MRAS: variants seen among roughly 807,000 people sequenced by gnomAD.
MRAS encodes ras-related protein M-Ras.
MRAS carries 4 observed loss-of-function variants against 20.9 expected under a neutral mutation model. The ratio of observed to expected loss-of-function variants is 0.19; its 90% CI spans 0.09 to 0.44. The LOEUF (loss-of-function observed/expected upper bound fraction) is 0.44. Among genes scored for constraint, MRAS ranks in the 20% least tolerant of loss-of-function variants. The pLI, the probability that MRAS is intolerant of heterozygous loss-of-function variation, is 0.99. For missense variants in MRAS, 154 were observed against 277.5 expected, an observed-to-expected ratio of 0.56 and a Z score of 3.16; for synonymous variants, 98 against 102.9, an observed-to-expected ratio of 0.95 and a Z score of 0.29.
At chr3:138,386,166 T>TGATG (rs397749247) in intron 2 of MRAS, among the ~76,000 whole-genome samples, 2 of 151,208 alleles carry the variant, frequency 1.3e-5, no homozygotes, top group African/African-American at 4.9e-5. Flanking sequence ...TATTGCTGAT[T>TGATG]AACAAATCAG....
At chr3:138,388,788 A>G (rs1331038258) in intron 2 of MRAS, among the ~76,000 whole-genome samples, 1 of 152,120 alleles carries the variant, frequency 6.6e-6, no homozygotes, top group Non-Finnish European at 1.5e-5. Context: ...TGTTTTCTCT[A>G]TTGCTTGATA....
At chr3:138,387,992 G>T (rs1287230756) in intron 2 of MRAS, among the ~76,000 whole-genome samples, 1 of 152,208 alleles carries the variant, frequency 6.6e-6, no homozygotes, top group Non-Finnish European at 1.5e-5. Context: ...CCAGGGTGTT[G>T]AGGAGGTTGG....
At chr3:138,370,547 T>C (rs1005670815) in intron 1 of MRAS, among the ~76,000 whole-genome samples, 4 of 152,010 alleles carry the variant, frequency 2.6e-5, no homozygotes, top group African/African-American at 7.3e-5. Context: ...GATTTGGCCA[T>C]GGAAGAGCTC....
chr3:138,395,515 T>C (rs975483972), intron 2 of MRAS, among the ~76,000 whole-genome samples: 1 of 152,144 alleles, frequency 6.6e-6, no homozygotes, highest in Non-Finnish European at 1.5e-5. Flanking sequence ...TCGAATTTGT[T>C]GTGTTCCCTC....
chr3:138,375,351 T>A (rs1410718255), intron 2 of MRAS, among the ~76,000 whole-genome samples: 1 of 152,232 alleles, frequency 6.6e-6, no homozygotes, highest in African/African-American at 2.4e-5. Context: ...TCTTGTAATG[T>A]CTGTGTCTAA....
rs142235762 is a variant in MRAS at position 138,399,871 on chromosome 3, G to C, written c.448-663G>C. 2.8e-3 allele frequency among the ~76,000 whole-genome samples: 430 copies of C among 152,316 alleles called. 5 individuals are homozygous for C. Among genetic ancestry groups the C allele is most frequent in the African/African-American group, 9.7e-3 (405 of 41,560 alleles). On this transcript the variant is annotated intron_variant, in intron 4 of 5. Transcript: ENST00000423968. ...CCTCCCTTTGCCAGCCCGAGGCTTGGTGCAGATCTGGCCCTGGAAACCTGC... is the reference window on the plus strand; with the variant it reads ...CCTCCCTTTGCCAGCCCGAGGCTTGCTGCAGATCTGGCCCTGGAAACCTGC...
chr3:138,367,113 G>A (rs1014690817), intron 1 of MRAS, among the ~76,000 whole-genome samples: 1 of 152,172 alleles, frequency 6.6e-6, no homozygotes, highest in Admixed American at 6.5e-5. Context: ...GCTGTCCTAT[G>A]CAGTGTGGAT....
intron 2 of MRAS, among the ~76,000 whole-genome samples, chr3:138,387,243 T>C (rs1042574530): frequency 1.3e-5 from 2 of 152,142 alleles, no homozygotes; most frequent in Non-Finnish European, 2.9e-5. Context: ...CACTCATGAG[T>C]TTTCTCTTCC....
At chr3:138,383,154 A>G (rs574418738) in intron 2 of MRAS, among the ~76,000 whole-genome samples, 33 of 152,292 alleles carry the variant, frequency 2.2e-4, no homozygotes, top group Non-Finnish European at 3.2e-4. Context: ...GAGGAAAAGG[A>G]CTGTGCCCAC....
chr3:138,370,251 G>A (rs1018397321), intron 1 of MRAS, among the ~76,000 whole-genome samples: 1 of 152,164 alleles, frequency 6.6e-6, no homozygotes, highest in African/African-American at 2.4e-5. Flanking sequence ...CTTGGGAGGC[G>A]GAGGCTGCAG....
At chr3:138,402,001 A>G (rs2055369934) in intron 5 of MRAS, among the ~76,000 whole-genome samples, 169 bp from the exon 6 acceptor site, 1 of 152,022 alleles carries the variant, frequency 6.6e-6, no homozygotes, top group African/African-American at 2.4e-5. Flanking sequence ...GCCCTCCTCC[A>G]GCGGCCAGGA....
chr3:138,387,941 A>G (rs1249598142), intron 2 of MRAS, among the ~76,000 whole-genome samples: 1 of 152,112 alleles, frequency 6.6e-6, no homozygotes, highest in Non-Finnish European at 1.5e-5. Context: ...GCGACCCCCA[A>G]AGCTGATGGC....
Position 138,361,749 on chromosome 3 carries a change from G to A in MRAS, c.-18-11117G>A, listed in dbSNP as rs1310224274. ...CGCTCAGTCTGGGGAACCCCAGAGT[G>A]TGCAGAGGCTGGCCTTCCCTGGTTG... On this transcript the variant is annotated intron_variant, in intron 1 of 5. Coordinates refer to ENST00000423968, the MANE Select transcript of MRAS (RefSeq NM_001085049.3). Among the ~76,000 whole-genome samples, 4 of 152,180 alleles carry A rather than the reference G, an allele frequency of 2.6e-5. No individual in the cohort carries two copies. The East Asian group carries it at 7.7e-4, about 29-fold the overall frequency.
chr3:138,370,926 A>G lies in MRAS; in HGVS notation c.-18-1940A>G, dbSNP rs1021001674. On this transcript the variant is annotated intron_variant, in intron 1 of 5. Transcript: ENST00000423968. ...CTGTTTTGCAGCCTGTCTTTTTTTC[A>G]TACATAACAACACACTTTTTCTAGG... 1.1e-4 allele frequency among the ~76,000 whole-genome samples: 16 copies of G among 152,154 alleles called. 1 individual carries two copies. Among genetic ancestry groups the G allele is most frequent in the Middle Eastern group, 3.2e-3 (1 of 316 alleles).
At chr3:138,357,044 A>G (rs961228827) in intron 1 of MRAS, among the ~76,000 whole-genome samples, 2 of 152,268 alleles carry the variant, frequency 1.3e-5, no homozygotes, top group Non-Finnish European at 2.9e-5. Flanking sequence ...CCAACTGGGT[A>G]TGGCTGGAGG....
intron 3 of MRAS, 90 bp downstream of exon 3, chr3:138,397,567 C>G (rs1216743535): frequency 1.4e-6 from 2 of 1,456,928 alleles, no homozygotes; most frequent in Non-Finnish European, 1.9e-6. Context: ...CTTTCTCTCT[C>G]TCTCACCCCT....
chr3:138,359,292 C>T (rs1560163048), intron 1 of MRAS, among the ~76,000 whole-genome samples: 1 of 152,186 alleles, frequency 6.6e-6, no homozygotes, highest in Non-Finnish European at 1.5e-5. Flanking sequence ...TTCACCACTC[C>T]AAAGCTAGGT....
chr3:138,401,383 G>C (rs1038641531), intron 5 of MRAS, among the ~76,000 whole-genome samples: 1 of 152,140 alleles, frequency 6.6e-6, no homozygotes, highest in Non-Finnish European at 1.5e-5. Flanking sequence ...ATACACACAT[G>C]CCCCCACATG....
chr3:138,397,349 A>T lies in MRAS; in HGVS notation c.219A>T (p.Glu73Asp), dbSNP rs750623162. 1 of 1,614,110 alleles carries T rather than the reference A, an allele frequency of 6.2e-7. No homozygotes were observed. The change falls in exon 3 of 6, where the codon GAA (glutamate) becomes GAT (aspartate). Residue 73 changes from glutamate (E) to aspartate (D), a missense_variant. By Grantham distance (45) the Glu-to-Asp change is conservative (BLOSUM62 2). Transcript: ENST00000423968. ...LDVLDTAGQE[E>D]FSAMREQYMR... The stretch of plus-strand genomic sequence containing the variant: ...TTCTGGACACAGCTGGGCAGGAGGA[A>T]TTCAGCGCCATGCGGGAGCAATACA...
Sources: allele counts gnomAD v4.1 joint callset (sites outside exome capture counted in the v4.1 genomes callset), GRCh38; gene constraint gnomAD v4.1.1; transcripts MANE v1.5; gene names NCBI Gene and HGNC (gene_info 2026-07-23, HGNC 2026-07-21).